Variants in MTCL1 observed in about 807,000 individuals in gnomAD.
MTCL1 encodes microtubule cross-linking factor 1.
Under a neutral mutation model 141.4 loss-of-function variants are expected in MTCL1, and 79 were observed. The observed-to-expected ratio is 0.56, with a 90% CI of 0.47 to 0.67. The LOEUF (loss-of-function observed/expected upper bound fraction) is 0.67, where lower values mean the gene tolerates loss of function less well. MTCL1 is among the 30% of genes least tolerant of loss of function. The pLI is 0.00. For synonymous variants in MTCL1, 914 were observed against 875.8 expected, an observed-to-expected ratio of 1.04 and a Z score of -0.77; for missense variants, 2,177 against 2,113.9, an observed-to-expected ratio of 1.03 and a Z score of -0.59.
chr18:8,742,775 GGA>G (rs1373676931), intron 4 of MTCL1, among the ~76,000 whole-genome samples: 7 of 152,000 alleles, frequency 4.6e-5, no homozygotes, highest in Non-Finnish European at 1.0e-4. Context: ...ATTTTTGTAT[GGA>G]AAATGTAAAG....
chr18:8,807,229 C>G (rs2076331430), intron 11 of MTCL1, among the ~76,000 whole-genome samples, 169 bp downstream of exon 10: 1 of 152,102 alleles, frequency 6.6e-6, no homozygotes, highest in Admixed American at 6.5e-5. Flanking sequence ...TCCCCATTTT[C>G]CCTGATGTCC....
At chr18:8,829,211 T>C in intron 16 of MTCL1, 5 of 985,448 alleles carry the variant, frequency 5.1e-6, no homozygotes, top group Non-Finnish European at 6.0e-6. Flanking sequence ...TCTGCTGAGA[T>C]TTCTCCGCTT....
intron 1 of MTCL1, among the ~76,000 whole-genome samples, chr18:8,709,920 CCCTCCG>C (rs1183442858): frequency 6.6e-6 from 1 of 151,966 alleles, no homozygotes; most frequent in Non-Finnish European, 1.5e-5. Context: ...GCTCACTGCA[CCCTCCG>C]CCTCCCAGAT....
chr18:8,774,344 C>A (rs1203984081), intron 4 of MTCL1, among the ~76,000 whole-genome samples: 2 of 151,942 alleles, frequency 1.3e-5, no homozygotes, highest in African/African-American at 2.4e-5. Flanking sequence ...AACATGGCGT[C>A]TTTATTACAA....
intron 8 of MTCL1, among the ~76,000 whole-genome samples, chr18:8,793,813 C>T (rs185180737): frequency 5.0e-4 from 76 of 152,312 alleles, no homozygotes; most frequent in African/African-American, 1.8e-3. Flanking sequence ...CAAAGCAAAG[C>T]GGTTGATCTT....
At chr18:8,726,131 T>C (rs1462730416) in intron 4 of MTCL1, among the ~76,000 whole-genome samples, 1 of 152,080 alleles carries the variant, frequency 6.6e-6, no homozygotes, top group Non-Finnish European at 1.5e-5. Flanking sequence ...TTAGGACTCT[T>C]CCTTGTGATG....
chr18:8,754,415 T>C (rs542372620), intron 4 of MTCL1, among the ~76,000 whole-genome samples: 1 of 152,294 alleles, frequency 6.6e-6, no homozygotes, highest in South Asian at 2.1e-4. Context: ...ACCCCATGTG[T>C]ATAAGTGTAT....
chr18:8,807,167 C>G, intron 11 of MTCL1, 107 bp downstream of exon 10: 2 of 1,215,322 alleles, frequency 1.6e-6, no homozygotes, highest in Non-Finnish European at 2.2e-6. Flanking sequence ...GGCTTCTTGT[C>G]CAGGAAAAAA....
Position 8,779,760 on chromosome 18 carries a change from A to T in MTCL1, c.417+1868A>T, listed in dbSNP as rs2143385725. Among the ~76,000 whole-genome samples, 1 of 152,344 alleles carries T rather than the reference A, an allele frequency of 6.6e-6. No homozygotes were observed. Among genetic ancestry groups the T allele is most frequent in the African/African-American group, 2.4e-5 (1 of 41,588 alleles). On this transcript the variant is annotated intron_variant, in intron 5 of 16. Coordinates refer to ENST00000359865, the Ensembl canonical transcript of MTCL1. This position sits in a 1 kb window ranked among gnomAD's most constrained non-coding sequence, Gnocchi z 4.1. ...CATAGTGCATGTGTGGTTGTTAAGT[A>T]GAAATGACAGCATGCTGTCATGCTG...
intron 4 of MTCL1, among the ~76,000 whole-genome samples, chr18:8,724,386 G>A (rs2096193938): frequency 6.6e-6 from 1 of 151,902 alleles, no homozygotes; most frequent in Admixed American, 6.6e-5. Flanking sequence ...ACTCCAACTT[G>A]GGCAACAAGA....
At chr18:8,800,180 T>C (rs766513341) in intron 10 of MTCL1, among the ~76,000 whole-genome samples, 1 of 152,220 alleles carries the variant, frequency 6.6e-6, no homozygotes, top group African/African-American at 2.4e-5. Context: ...TCTCTGTGAC[T>C]GGCATGAGTA....
Position 8,830,694 on chromosome 18 carries a change from G to C in MTCL1, c.*19-913G>C. ...AGTTCACCTCAAGCTTCCAGTGTCT[G>C]AGTGTCATTCCAGCCAGCGGGCTCC... On this transcript the variant is annotated intron_variant, in intron 16 of 16. Coordinates refer to ENST00000359865, the Ensembl canonical transcript of MTCL1. The surrounding 1 kb of genome is among the most constrained non-coding windows in gnomAD (Gnocchi z 6.4). 1 of 985,436 alleles carries C rather than the reference G, an allele frequency of 1.0e-6. No individual in the cohort carries two copies. The highest frequency in any genetic ancestry group is 4.7e-5 in the South Asian group (1 of 21,288). 61.0% of individuals were successfully genotyped at this position (985,436 alleles called of 1,614,324 possible).
chr18:8,777,872 G>A, exon 5 of MTCL1: 2 of 1,613,820 alleles, frequency 1.2e-6, no homozygotes, highest in Non-Finnish European at 8.5e-7. Flanking sequence ...AATGTACAAG[G>A]AGAAGAAAAC....
chr18:8,759,880 T>C (rs58564847), intron 4 of MTCL1, among the ~76,000 whole-genome samples: 10,562 of 151,982 alleles, frequency 0.069, 1,011 homozygotes, highest in African/African-American at 0.21. Flanking sequence ...GAGGGTGGCG[T>C]GGTTTGCGAT....
rs888955676 is a variant in MTCL1, at chr18:8,810,315, G to T, written c.2605-2664G>T. The T allele has an allele frequency of 1.3e-5, 2 of 152,578 alleles. No homozygotes were observed. Among genetic ancestry groups the T allele is most frequent in the East Asian group, 3.9e-4 (2 of 5,194 alleles). 9.5% of individuals were successfully genotyped at this position (152,578 alleles called of 1,614,324 possible). On this transcript the variant is annotated intron_variant, in intron 11 of 16. Transcript: ENST00000359865. The surrounding 1 kb of genome is among the most constrained non-coding windows in gnomAD (Gnocchi z 5.0). Reference sequence around the variant, plus strand: ...ACAGGAGCCGCGGAGTCATGGGGACGCCTGTCCAGTGAGACCTGACAGTGC... The same window carrying T: ...ACAGGAGCCGCGGAGTCATGGGGACTCCTGTCCAGTGAGACCTGACAGTGC...
intron 1 of MTCL1, among the ~76,000 whole-genome samples, chr18:8,708,877 T>A (rs1206856372): frequency 6.6e-6 from 1 of 152,094 alleles, no homozygotes; most frequent in Non-Finnish European, 1.5e-5. Context: ...TCCCCACTGT[T>A]CCTCCGACAG....
At position 8,785,571 on chromosome 18, in the gene MTCL1, C is replaced by T. The variant is rs1030113029; in HGVS notation, c.1732-365C>T. On this transcript the variant is annotated intron_variant, in intron 6 of 16. Transcript: ENST00000359865. Reference sequence around the variant, plus strand: ...CCCACAAGTAAGGAAGGAAGAGCCTCGTTTTCCGTTTCCTTCACGGGTAGC... The same window carrying T: ...CCCACAAGTAAGGAAGGAAGAGCCTTGTTTTCCGTTTCCTTCACGGGTAGC... 1.2e-5 allele frequency: 3 copies of T among 246,702 alleles called. No individual in the cohort carries two copies. In the South Asian group the frequency reaches 1.7e-4, roughly 14 times the overall value. 15.3% of individuals were successfully genotyped at this position (246,702 alleles called of 1,614,324 possible). A position where few individuals can be genotyped will look rare whatever the true frequency, so the allele number is the denominator to read the frequency against.
At position 8,810,588 on chromosome 18, in the gene MTCL1, G is replaced by A. The variant is rs1398676800; in HGVS notation, c.2605-2391G>A. On this transcript the variant is annotated intron_variant, in intron 11 of 16. Transcript: ENST00000359865. The surrounding 1 kb of genome is among the most constrained non-coding windows in gnomAD (Gnocchi z 5.0). Reference sequence around the variant, plus strand: ...TGTTGGTTGCTGGAAGCATCTACAGGTGAACAGACGTACGTGCGAGGGGCT... The same window carrying A: ...TGTTGGTTGCTGGAAGCATCTACAGATGAACAGACGTACGTGCGAGGGGCT... Among the ~76,000 whole-genome samples the A allele has an allele frequency of 6.6e-6, 1 of 152,156 alleles. No homozygotes were observed. The highest frequency in any genetic ancestry group is 1.5e-5 in the Non-Finnish European group (1 of 68,024).
intron 4 of MTCL1, among the ~76,000 whole-genome samples, chr18:8,722,347 C>T (rs1050860599): frequency 1.3e-5 from 2 of 151,990 alleles, no homozygotes; most frequent in Admixed American, 1.3e-4. Flanking sequence ...TTGCTTGTGC[C>T]CAGGACTTTG....
Sources: gnomAD v4.1 joint callset for allele counts (sites outside exome capture counted in the v4.1 genomes callset) on GRCh38, gnomAD v4.1.1 for gene constraint, Gnocchi (gnomAD v3.1) non-coding constraint, MANE v1.5 for transcripts, NCBI Gene and HGNC (gene_info 2026-07-23, HGNC 2026-07-21) for gene names.